The following F13A1 variants were observed in gnomAD, a reference collection of about 807,000 sequenced individuals.
The protein encoded by F13A1 is FSF, A subunit.
F13A1 carries 47 observed loss-of-function variants against 80.1 expected under a neutral mutation model. The observed-to-expected ratio is 0.59, with a 90% CI of 0.46 to 0.75. F13A1 has a LOEUF of 0.75. Ranked by LOEUF, F13A1 falls within the 30% of genes least tolerant of loss-of-function variation. The probability of loss-of-function intolerance (pLI) is 0.00; values close to 1 mark genes in which losing one functional copy is unlikely to be tolerated. For missense variants in F13A1, 817 were observed against 930.4 expected (o/e 0.88, Z 1.59); for synonymous variants, 349 against 344.9 (o/e 1.01, Z -0.13).
At chr6:6,266,938 C>T in intron 3 of F13A1, 129 bp from the exon 4 acceptor site, 1 of 1,340,968 alleles carries the variant, frequency 7.5e-7, no homozygotes, top group Non-Finnish European at 1.1e-6. Context: ...AAGAAACATA[C>T]AAATCAGGCA....
intron 4 of F13A1, among the ~76,000 whole-genome samples, chr6:6,258,849 TG>T (rs1253044395): frequency 2.0e-5 from 3 of 152,248 alleles, no homozygotes; most frequent in African/African-American, 7.2e-5. Context: ...AATACTGTTC[TG>T]GGTGCTAGCC....
intron 3 of F13A1, among the ~76,000 whole-genome samples, chr6:6,304,010 G>C (rs774714073): frequency 7.2e-5 from 11 of 152,022 alleles, no homozygotes; most frequent in Non-Finnish European, 1.3e-4. Context: ...CAAATATATA[G>C]TTTTACTTCT....
At chr6:6,208,650 ACTTTTTTT>A (rs1761538404) in intron 8 of F13A1, among the ~76,000 whole-genome samples, 1 of 152,160 alleles carries the variant, frequency 6.6e-6, no homozygotes, top group South Asian at 2.1e-4. Context: ...TCTCTTTTTT[ACTTTTTTT>A]CTTTTTCAAA....
intron 13 of F13A1, among the ~76,000 whole-genome samples, chr6:6,164,154 A>G (rs1760622793): frequency 6.6e-6 from 1 of 152,198 alleles, no homozygotes; most frequent in Admixed American, 6.5e-5. Flanking sequence ...TGGGCAAGGG[A>G]CATGAACATA....
intron 6 of F13A1, among the ~76,000 whole-genome samples, chr6:6,227,393 C>T (rs1757291398): frequency 6.6e-6 from 1 of 152,226 alleles, no homozygotes; most frequent in Non-Finnish European, 1.5e-5. Flanking sequence ...AAAGACCTTG[C>T]TCAGCTAATT....
intron 11 of F13A1, among the ~76,000 whole-genome samples, chr6:6,180,510 T>A (rs1449989535): frequency 6.6e-6 from 1 of 152,254 alleles, no homozygotes; most frequent in Non-Finnish European, 1.5e-5. Flanking sequence ...AGCTAACTTT[T>A]CTATGAACTT....
intron 8 of F13A1, among the ~76,000 whole-genome samples, chr6:6,197,903 G>A (rs1275767797): frequency 6.6e-6 from 1 of 151,622 alleles, no homozygotes; most frequent in African/African-American, 2.4e-5. Flanking sequence ...TTGAATCAGT[G>A]CATTGAACAG....
chr6:6,220,620 C>T (rs1757179124), intron 8 of F13A1, among the ~76,000 whole-genome samples: 1 of 151,732 alleles, frequency 6.6e-6, no homozygotes, highest in Admixed American at 6.6e-5. Context: ...ATGGAGAATG[C>T]CAAATAACTA....
At chr6:6,267,619 T>G (rs1053718265) in intron 3 of F13A1, among the ~76,000 whole-genome samples, 5 of 152,172 alleles carry the variant, frequency 3.3e-5, no homozygotes, top group African/African-American at 7.2e-5. Context: ...TTTATTACAG[T>G]GGTTCCCAGC....
intron 2 of F13A1, among the ~76,000 whole-genome samples, chr6:6,308,606 C>CTTT (rs770570204): frequency 0.011 from 982 of 88,852 alleles, 3 homozygotes; most frequent in Middle Eastern, 0.033. Flanking sequence ...AAAACACATT[C>CTTT]TTTTTTTTTT....
At chr6:6,150,084 G>T (rs553797132) in intron 14 of F13A1, among the ~76,000 whole-genome samples, 1 of 152,274 alleles carries the variant, frequency 6.6e-6, no homozygotes, top group Admixed American at 6.5e-5. Flanking sequence ...CCTTGACCAA[G>T]GTGGAATTCT....
chr6:6,185,900 T>TA (rs1253992770), intron 10 of F13A1, among the ~76,000 whole-genome samples: 3 of 150,796 alleles, frequency 2.0e-5, no homozygotes, highest in Non-Finnish European at 1.5e-5. Context: ...CCTGACTTTT[T>TA]AATGATTGCC....
chr6:6,183,967 C>G (rs1761032695), intron 10 of F13A1, among the ~76,000 whole-genome samples: 1 of 152,102 alleles, frequency 6.6e-6, no homozygotes. Flanking sequence ...TAATAGTCAT[C>G]ATTAGGTAAT....
At chr6:6,275,106 G>A (rs1757970096) in intron 3 of F13A1, among the ~76,000 whole-genome samples, 1 of 152,078 alleles carries the variant, frequency 6.6e-6, no homozygotes, top group South Asian at 2.1e-4. Context: ...GATGGAAAAT[G>A]GTTTGAGAGG....
chr6:6,272,416 GT>G (rs1245125571), intron 3 of F13A1, among the ~76,000 whole-genome samples: 1 of 152,138 alleles, frequency 6.6e-6, no homozygotes, highest in Non-Finnish European at 1.5e-5. Context: ...GTTGGTATCA[GT>G]GACTGAGTAG....
At chr6:6,191,389 C>A (rs1561649375) in intron 10 of F13A1, among the ~76,000 whole-genome samples, 1 of 152,160 alleles carries the variant, frequency 6.6e-6, no homozygotes, top group Non-Finnish European at 1.5e-5. Flanking sequence ...CTTTTTCTAT[C>A]CCTACACTTG....
At chr6:6,196,266 T>C (rs1308829988) in intron 9 of F13A1, among the ~76,000 whole-genome samples, 1 of 152,262 alleles carries the variant, frequency 6.6e-6, no homozygotes, top group Non-Finnish European at 1.5e-5. Context: ...TTTTGCTTTT[T>C]GTCTTTTGTT....
At chr6:6,308,776 C>G (rs1758550041) in intron 2 of F13A1, among the ~76,000 whole-genome samples, 1 of 151,884 alleles carries the variant, frequency 6.6e-6, no homozygotes, top group Admixed American at 6.6e-5. Context: ...CCATGCCTGG[C>G]TAATTTGTTT....
At chr6:6,227,210 G>A (rs1393196268) in intron 6 of F13A1, among the ~76,000 whole-genome samples, 1 of 152,240 alleles carries the variant, frequency 6.6e-6, no homozygotes, top group Non-Finnish European at 1.5e-5. Context: ...TATTTCCCAA[G>A]GAGGGTCCCT....
Sources: gnomAD v4.1 joint callset for allele counts (sites outside exome capture counted in the v4.1 genomes callset) on GRCh38, gnomAD v4.1.1 for gene constraint, MANE v1.5 for transcripts, NCBI Gene and HGNC (gene_info 2026-07-23, HGNC 2026-07-21) for gene names.